BGN: variants seen among roughly 807,000 people sequenced by gnomAD.
BGN encodes the protein biglycan, also known as bone/cartilage proteoglycan-I.
Under a neutral mutation model 20.0 loss-of-function variants are expected in BGN, and 6 were observed. The observed-to-expected ratio is 0.30, with a 90% CI of 0.16 to 0.59. BGN has a LOEUF of 0.59. BGN is among the 20% of genes least tolerant of loss of function. The pLI, the probability that BGN is intolerant of heterozygous loss-of-function variation, is 0.88. For synonymous variants in BGN, 146 were observed against 134.6 expected, an observed-to-expected ratio of 1.08 and a Z score of -0.59; for missense variants, 292 against 312.1, an observed-to-expected ratio of 0.94 and a Z score of 0.49.
At chrX:153,501,215 CGT>C (rs1220949280) in intron 1 of BGN, among the ~76,000 whole-genome samples, 93 of 109,724 alleles carry the variant, frequency 8.5e-4, no homozygotes, top group Non-Finnish European at 5.7e-4. Context: ...TATGTGTGTA[CGT>C]GTGTGTGTGT....
chrX:153,507,430 A>G (rs1203880576), intron 7 of BGN, among the ~76,000 whole-genome samples: 2 of 112,669 alleles, frequency 1.8e-5, no homozygotes, highest in Non-Finnish European at 3.8e-5. Flanking sequence ...CGGACACCAG[A>G]AAGATGTGGC....
chrX:153,503,017 C>T (rs1207606577), intron 1 of BGN, among the ~76,000 whole-genome samples: 3 of 112,793 alleles, frequency 2.7e-5, no homozygotes, highest in Admixed American at 9.2e-5. Context: ...CTGGAGCACC[C>T]GAGGAGCTGC....
In BGN at chrX:153,504,702, T is replaced by C; in HGVS notation, c.71T>C (p.Phe24Ser). The C allele has an allele frequency of 8.3e-7, 1 of 1,211,955 alleles. No homozygotes were observed. The highest frequency in any genetic ancestry group is 1.8e-5 in the South Asian group (1 of 57,026). The change falls in exon 2 of 8, where the codon TTC (phenylalanine) becomes TCC (serine). Residue 24 changes from phenylalanine to serine, a missense_variant. Coordinates refer to ENST00000331595, the MANE Select transcript of BGN (RefSeq NM_001711.6). Reference protein sequence around the residue: ...SQALPFEQRGFWDFTLDDGPF... With the variant: ...SQALPFEQRGSWDFTLDDGPF... ...GCCCTGCCCTTTGAGCAGAGAGGCT[T>C]CTGGGACTTCACCCTGGACGATGGG...
intron 1 of BGN, 45 bp downstream of exon 1, chrX:153,495,158 C>T (rs782347040): frequency 9.0e-6 from 1 of 110,806 alleles, no homozygotes; most frequent in African/African-American, 3.3e-5. Flanking sequence ...CAGAGATGCC[C>T]CTGGCTCTGC....
intron 1 of BGN, among the ~76,000 whole-genome samples, chrX:153,496,483 G>A (rs781839922): frequency 8.9e-6 from 1 of 112,872 alleles, no homozygotes; most frequent in African/African-American, 3.2e-5. Context: ...TTGAGGGCAA[G>A]CCCGTGTGGG....
chrX:153,501,873 C>T (rs2089762995), intron 1 of BGN, among the ~76,000 whole-genome samples: 1 of 112,325 alleles, frequency 8.9e-6, no homozygotes, highest in Admixed American at 9.3e-5. Flanking sequence ...CCCCTTGCCC[C>T]TTTCTCAGTC....
At chrX:153,501,435 G>A (rs1449634071) in intron 1 of BGN, among the ~76,000 whole-genome samples, 5 of 112,958 alleles carry the variant, frequency 4.4e-5, no homozygotes, top group Non-Finnish European at 9.4e-5. Flanking sequence ...GGGCCTGGAG[G>A]CGCCAAAGCT....
At chrX:153,503,622 C>T (rs1004253470) in intron 1 of BGN, among the ~76,000 whole-genome samples, 1 of 111,838 alleles carries the variant, frequency 8.9e-6, no homozygotes, top group Non-Finnish European at 1.9e-5. Flanking sequence ...GACGGGAGAC[C>T]GTGTCTGATG....
At chrX:153,507,621 C>T (rs1556993567) in intron 7 of BGN, among the ~76,000 whole-genome samples, 1 of 113,291 alleles carries the variant, frequency 8.8e-6, no homozygotes, top group African/African-American at 3.2e-5. Flanking sequence ...CTTGCCCAGC[C>T]CTGCTCCATC....
At chrX:153,503,229 G>A (rs1351741610) in intron 1 of BGN, among the ~76,000 whole-genome samples, 1 of 112,593 alleles carries the variant, frequency 8.9e-6, no homozygotes, top group Non-Finnish European at 1.9e-5. Context: ...GCTGGCCTGG[G>A]GGCAGAGCCC....
At chrX:153,500,662 C>A (rs1229524948) in intron 1 of BGN, among the ~76,000 whole-genome samples, 5 of 111,893 alleles carry the variant, frequency 4.5e-5, no homozygotes, top group Non-Finnish European at 7.5e-5. Context: ...TATGTGTGTA[C>A]ATATGTGTAT....
rs374777271 is a variant in BGN, at chrX:153,504,787, G to A, written c.156G>A (p.Pro52=). 11 of 1,209,988 alleles carry A rather than the reference G, an allele frequency of 9.1e-6. No homozygotes were observed. The highest frequency in any genetic ancestry group is 4.4e-5 in the Admixed American group (2 of 45,888). Residue 52 remains proline (P), a synonymous_variant, in exon 2 of 8, where the codon CCG becomes CCA. Transcript: ENST00000331595. The part of the protein sequence containing the change: ...SGADTSGVLD[P]DSVTPTYSAM... ...CTGACACCTCGGGCGTCCTGGACCC[G>A]GACTCTGTCACACCCACCTACAGCG...
chrX:153,505,463 G>C, intron 3 of BGN, 113 bp downstream of exon 3: 1 of 657,523 alleles, frequency 1.5e-6, no homozygotes, highest in Non-Finnish European at 2.3e-6. Flanking sequence ...TGGGGCTTCA[G>C]GGTGAAGCCT....
At chrX:153,505,670 C>T (rs931007222) in intron 3 of BGN, among the ~76,000 whole-genome samples, 193 bp from the exon 4 acceptor site, 21 of 111,769 alleles carry the variant, frequency 1.9e-4, no homozygotes, top group African/African-American at 6.2e-4. Flanking sequence ...AGGCTTGGAG[C>T]GGCAAGGCAG....
chrX:153,505,522 G>T, intron 3 of BGN, 172 bp downstream of exon 3: 1 of 465,703 alleles, frequency 2.1e-6, no homozygotes, highest in Non-Finnish European at 3.7e-6. Context: ...ACTCATGTGG[G>T]TTTGAGCAAC....
At chrX:153,503,873 C>CG (rs782359168) in intron 1 of BGN, among the ~76,000 whole-genome samples, 87 of 66,836 alleles carry the variant, frequency 1.3e-3, no homozygotes, top group African/African-American at 4.2e-3. Flanking sequence ...GCGGTGTGGG[C>CG]GGGGGGCTGG....
intron 1 of BGN, among the ~76,000 whole-genome samples, chrX:153,496,365 C>T (rs977817366): frequency 1.8e-5 from 2 of 113,147 alleles, no homozygotes; most frequent in South Asian, 3.6e-4. Context: ...CCTGGTGACA[C>T]CCAGCCGCCG....
chrX:153,505,620 A>G (rs1556992914), intron 3 of BGN, among the ~76,000 whole-genome samples: 1 of 111,832 alleles, frequency 8.9e-6, no homozygotes, highest in Non-Finnish European at 1.9e-5. Flanking sequence ...AACAGAGGAG[A>G]ACGGATTTCA....
At chrX:153,508,107 G>A (rs782205892) in intron 7 of BGN, 141 bp from the exon 8 acceptor site, 7 of 637,881 alleles carry the variant, frequency 1.1e-5, no homozygotes, top group Non-Finnish European at 1.7e-5. Context: ...CCATGCCTTG[G>A]TTTGCTCCTC....
Sources: allele counts gnomAD v4.1 joint callset (sites outside exome capture counted in the v4.1 genomes callset), GRCh38; gene constraint gnomAD v4.1.1; transcripts MANE v1.5; gene names NCBI Gene and HGNC (gene_info 2026-07-23, HGNC 2026-07-21).